Variants in LCLAT1 observed in about 807,000 individuals in gnomAD.
LCLAT1 encodes the protein 1-AGP acyltransferase 8.
A neutral mutation model predicts 30.7 loss-of-function variants in LCLAT1; 11 were observed. That is an observed-to-expected ratio of 0.36 (90% CI 0.23 to 0.59). The LOEUF is 0.59. Among genes scored for constraint, LCLAT1 ranks in the 20% least tolerant of loss-of-function variants. The pLI is 0.77. For synonymous variants in LCLAT1, 155 were observed against 151.3 expected, an observed-to-expected ratio of 1.02 and a Z score of -0.18; for missense variants, 402 against 458.6, an observed-to-expected ratio of 0.88 and a Z score of 1.13.
At chr2:30,634,301 A>G (rs1572724216) in intron 5 of LCLAT1, among the ~76,000 whole-genome samples, 1 of 152,204 alleles carries the variant, frequency 6.6e-6, no homozygotes. Context: ...GTATAGACAG[A>G]TGACAGAATA....
intron 1 of LCLAT1, among the ~76,000 whole-genome samples, chr2:30,525,362 C>T (rs1035450280): frequency 2.0e-5 from 3 of 152,110 alleles, no homozygotes; most frequent in Admixed American, 6.5e-5. Flanking sequence ...CAGCGTGAGT[C>T]GCCGCACCCG....
chr2:30,531,195 G>A (rs1196270789), intron 2 of LCLAT1, among the ~76,000 whole-genome samples: 2 of 152,098 alleles, frequency 1.3e-5, no homozygotes, highest in Non-Finnish European at 2.9e-5. Flanking sequence ...AACCCGGGAG[G>A]CAGAGGTTGC....
chr2:30,470,215 G>C (rs755434160), intron 1 of LCLAT1, among the ~76,000 whole-genome samples: 1 of 152,178 alleles, frequency 6.6e-6, no homozygotes, highest in African/African-American at 2.4e-5. Flanking sequence ...TCAAGAATCA[G>C]CCTTGGGTTT....
At chr2:30,605,401 A>C (rs1238044770) in intron 5 of LCLAT1, among the ~76,000 whole-genome samples, 1 of 152,212 alleles carries the variant, frequency 6.6e-6, no homozygotes, top group Non-Finnish European at 1.5e-5. Context: ...TCATGGCTTT[A>C]ATTCCCTTTG....
intron 1 of LCLAT1, among the ~76,000 whole-genome samples, chr2:30,521,509 T>G (rs1314226259): frequency 4.0e-5 from 5 of 126,130 alleles, no homozygotes; most frequent in African/African-American, 1.2e-4. Context: ...TTTTTTTTTT[T>G]TTTTTTTTTT....
intron 1 of LCLAT1, among the ~76,000 whole-genome samples, chr2:30,507,591 C>T (rs1333683585): frequency 1.3e-5 from 2 of 152,166 alleles, no homozygotes; most frequent in African/African-American, 2.4e-5. Context: ...CGTTAGTTTG[C>T]TTAGGATAAT....
At chr2:30,504,044 A>G (rs532888276) in intron 1 of LCLAT1, among the ~76,000 whole-genome samples, 1 of 151,908 alleles carries the variant, frequency 6.6e-6, no homozygotes, top group Non-Finnish European at 1.5e-5. Context: ...AGCAGAGAAA[A>G]TTTCTGCTAG....
intron 1 of LCLAT1, among the ~76,000 whole-genome samples, chr2:30,462,084 T>G (rs918263941): frequency 2.0e-5 from 3 of 152,176 alleles, no homozygotes; most frequent in Non-Finnish European, 4.4e-5. Flanking sequence ...AATTAAACTT[T>G]TATCACATCA....
rs1242143437 is a variant in LCLAT1 at position 30,627,492 on chromosome 2, TAG to T, written c.629-12623_629-12622del. Among the ~76,000 whole-genome samples the T allele has an allele frequency of 2.6e-5, 4 of 152,328 alleles. No individual in the cohort carries two copies. In the South Asian group the frequency reaches 6.2e-4, roughly 24 times the overall value. ...TGTTCGCAGGCTAGCTGCCCGTACTTAGACTTACTATGCCTTAAAAATGGACC... is the reference window on the plus strand; with the variant it reads ...TGTTCGCAGGCTAGCTGCCCGTACTTACTTACTATGCCTTAAAAATGGACC... On this transcript the variant is annotated intron_variant, in intron 5 of 5. Transcript: ENST00000379509.
intron 5 of LCLAT1, among the ~76,000 whole-genome samples, chr2:30,633,264 A>G (rs1008542582): frequency 6.6e-6 from 1 of 152,246 alleles, no homozygotes; most frequent in Non-Finnish European, 1.5e-5. Flanking sequence ...ACTCAAATGC[A>G]TCTTAGATGA....
At chr2:30,616,113 G>T (rs984045141) in intron 5 of LCLAT1, among the ~76,000 whole-genome samples, 2 of 152,184 alleles carry the variant, frequency 1.3e-5, no homozygotes, top group Non-Finnish European at 2.9e-5. Flanking sequence ...GACACAAGCT[G>T]TCACACCATG....
chr2:30,469,851 C>G (rs530604499), intron 1 of LCLAT1, among the ~76,000 whole-genome samples: 1 of 152,166 alleles, frequency 6.6e-6, no homozygotes, highest in Admixed American at 6.5e-5. Context: ...CTTCGGCCTC[C>G]CAAAGTGCTG....
intron 5 of LCLAT1, among the ~76,000 whole-genome samples, chr2:30,598,250 G>A (rs1456016319): frequency 2.0e-5 from 3 of 151,996 alleles, no homozygotes; most frequent in East Asian, 1.9e-4. Flanking sequence ...GGTAGAATTC[G>A]GCTGTAAATC....
At chr2:30,466,210 G>GT (rs925336542) in intron 1 of LCLAT1, among the ~76,000 whole-genome samples, 2 of 144,328 alleles carry the variant, frequency 1.4e-5, no homozygotes, top group East Asian at 2.2e-4. Context: ...AAGTTCCGCT[G>GT]TTTTTTCTGT....
intron 1 of LCLAT1, among the ~76,000 whole-genome samples, chr2:30,520,092 G>A (rs767136166): frequency 3.3e-5 from 5 of 152,106 alleles, no homozygotes; most frequent in Non-Finnish European, 7.4e-5. Flanking sequence ...TTCTCTTCCG[G>A]GACCCACAGC....
chr2:30,542,489 T>C (rs574186703), intron 3 of LCLAT1, among the ~76,000 whole-genome samples: 2 of 152,290 alleles, frequency 1.3e-5, no homozygotes, highest in South Asian at 4.1e-4. Flanking sequence ...CGGTAAGTGT[T>C]ATTTCATCAA....
rs1060734 is a variant in LCLAT1, at chr2:30,642,182, G to A, written c.*1563G>A. The A allele has an allele frequency of 0.4, 61,132 of 151,834 alleles. 13,398 individuals carry two copies. Among genetic ancestry groups the A allele is most frequent in the East Asian group, 0.76 (3,885 of 5,140 alleles). The allele number at this position is 151,834 out of a possible 1,614,324, so 9.4% of individuals were successfully genotyped here. A position where few individuals can be genotyped will look rare whatever the true frequency, so the allele number is the denominator to read the frequency against. On this transcript the variant is annotated 3_prime_UTR_variant, in exon 6 of 6. Coordinates refer to ENST00000379509, the MANE Select transcript of LCLAT1 (RefSeq NM_001002257.3). ...ACTGAACTTACCAAGCAGATTCTGTGAGAAAGCACTGGTTGAGGCTGAACA... is the reference window on the plus strand; with the variant it reads ...ACTGAACTTACCAAGCAGATTCTGTAAGAAAGCACTGGTTGAGGCTGAACA...
intron 3 of LCLAT1, among the ~76,000 whole-genome samples, chr2:30,542,523 A>G (rs377459509): frequency 6.6e-6 from 1 of 152,098 alleles, no homozygotes; most frequent in African/African-American, 2.4e-5. Context: ...TGATACTGTA[A>G]TTTTATAGCA....
intron 5 of LCLAT1, among the ~76,000 whole-genome samples, chr2:30,614,872 T>C (rs1667918492): frequency 6.6e-6 from 1 of 152,006 alleles, no homozygotes; most frequent in Non-Finnish European, 1.5e-5. Flanking sequence ...CAAAGAAGAC[T>C]TCAGAGTGGC....
Sources: allele counts gnomAD v4.1 joint callset (sites outside exome capture counted in the v4.1 genomes callset), GRCh38; gene constraint gnomAD v4.1.1; transcripts MANE v1.5; gene names NCBI Gene and HGNC (gene_info 2026-07-23, HGNC 2026-07-21).